The following ADGRL3 variants were observed in gnomAD, a reference collection of about 807,000 sequenced individuals.
ADGRL3 encodes adhesion G protein-coupled receptor L3.
ADGRL3 carries 62 observed loss-of-function variants against 153.5 expected under a neutral mutation model. The ratio of observed to expected loss-of-function variants is 0.40; its 90% CI spans 0.33 to 0.50. ADGRL3 has a LOEUF of 0.50. Among genes scored for constraint, ADGRL3 ranks in the 20% least tolerant of loss-of-function variants. The pLI, the probability that ADGRL3 is intolerant of heterozygous loss-of-function variation, is 0.47. For synonymous variants in ADGRL3, 710 were observed against 672.5 expected, an observed-to-expected ratio of 1.06 and a Z score of -0.86; for missense variants, 1,641 against 1,859.4, an observed-to-expected ratio of 0.88 and a Z score of 2.16.
chr4:61,645,128 ATTTT>A (rs138058631), intron 5 of ADGRL3, among the ~76,000 whole-genome samples: 14 of 151,584 alleles, frequency 9.2e-5, no homozygotes, highest in African/African-American at 3.2e-4. Flanking sequence ...TTTGTTTTCC[ATTTT>A]TTTTGGTAGA....
intron 9 of ADGRL3, among the ~76,000 whole-genome samples, chr4:61,816,449 C>T (rs2097689464): frequency 6.6e-6 from 1 of 152,098 alleles, no homozygotes; most frequent in Admixed American, 6.6e-5. Flanking sequence ...GCTGATGTCC[C>T]ATTAGCCAAA....
At chr4:61,593,789 C>G (rs898951109) in intron 5 of ADGRL3, among the ~76,000 whole-genome samples, 1 of 152,036 alleles carries the variant, frequency 6.6e-6, no homozygotes, top group Non-Finnish European at 1.5e-5. Context: ...GAGTAGTCTT[C>G]TTTGAGTTAT....
chr4:61,681,613 A>G (rs1026733501), intron 6 of ADGRL3, among the ~76,000 whole-genome samples: 1 of 152,226 alleles, frequency 6.6e-6, no homozygotes, highest in Non-Finnish European at 1.5e-5. Context: ...GGCAAGAAAA[A>G]TGAGCATTAT....
chr4:61,338,854 C>G (rs2095743951), intron 1 of ADGRL3, among the ~76,000 whole-genome samples: 1 of 151,992 alleles, frequency 6.6e-6, no homozygotes, highest in Admixed American at 6.6e-5. Context: ...AGTTTTTCAA[C>G]AAAATTTAAA....
chr4:61,291,603 T>C (rs1414541539), intron 1 of ADGRL3, among the ~76,000 whole-genome samples: 312 of 10,590 alleles, frequency 0.029, 6 homozygotes, highest in African/African-American at 0.055. Flanking sequence ...TATATATATA[T>C]ACACACACAT....
At chr4:61,909,802 TCTTTAAA>T in intron 12 of ADGRL3, 57 bp downstream of exon 12, 1 of 1,304,868 alleles carries the variant, frequency 7.7e-7, no homozygotes, top group Non-Finnish European at 1.0e-6. Flanking sequence ...TGTGTGTGTG[TCTTTAAA>T]GTTGTAATAA....
chr4:61,299,531 A>G (rs1305169882), intron 1 of ADGRL3, among the ~76,000 whole-genome samples: 6 of 152,228 alleles, frequency 3.9e-5, no homozygotes, highest in Non-Finnish European at 8.8e-5. Flanking sequence ...ACATCAATCT[A>G]TGCACAATGT....
chr4:61,692,268 G>C (rs1353070721), intron 6 of ADGRL3, among the ~76,000 whole-genome samples: 1 of 151,944 alleles, frequency 6.6e-6, no homozygotes, highest in Non-Finnish European at 1.5e-5. Flanking sequence ...AAAGAATTAG[G>C]TAGCTTGTCC....
At chr4:61,481,616 TG>T (rs1358313139) in intron 2 of ADGRL3, among the ~76,000 whole-genome samples, 3 of 152,132 alleles carry the variant, frequency 2.0e-5, no homozygotes, top group African/African-American at 7.2e-5. Flanking sequence ...AATGAGTGTT[TG>T]TTTTTTTTTG....
rs532523501 is a variant in ADGRL3, at chr4:61,926,790, T to C, written c.2113-8050T>C. ...GACTATTTGTCGTCTTTAGGAAGAA[T>C]TGTAAATACCTTAACATAGTTTGCA... On this transcript the variant is annotated intron_variant, in intron 13 of 26. Transcript: ENST00000683033. 5.9e-5 allele frequency among the ~76,000 whole-genome samples: 9 copies of C among 152,350 alleles called. 1 individual carries two copies. In the East Asian group the frequency reaches 1.7e-3, roughly 29 times the overall value.
chr4:61,892,412 G>A (rs561118305), intron 9 of ADGRL3, among the ~76,000 whole-genome samples: 18 of 152,154 alleles, frequency 1.2e-4, no homozygotes, highest in African/African-American at 4.3e-4. Flanking sequence ...TTTGAGTTTC[G>A]AAGAACCCTT....
intron 6 of ADGRL3, among the ~76,000 whole-genome samples, chr4:61,682,809 T>G (rs568296108): frequency 6.6e-6 from 1 of 152,250 alleles, no homozygotes; most frequent in Admixed American, 6.5e-5. Context: ...ATTACTTGCT[T>G]GTGAGACCTC....
chr4:61,203,010 G>C (rs1465169275), intron 1 of ADGRL3, among the ~76,000 whole-genome samples: 1 of 152,224 alleles, frequency 6.6e-6, no homozygotes, highest in Admixed American at 6.5e-5. Context: ...AAACCTTGCC[G>C]TGTCCCCTTC....
chr4:61,832,379 T>G (rs1283234157), intron 9 of ADGRL3, among the ~76,000 whole-genome samples: 1 of 152,126 alleles, frequency 6.6e-6, no homozygotes, highest in South Asian at 2.1e-4. Context: ...TGTGTCAGTC[T>G]TTTTTCCAGT....
chr4:61,738,750 T>C (rs578166188), intron 8 of ADGRL3, among the ~76,000 whole-genome samples: 2 of 152,348 alleles, frequency 1.3e-5, no homozygotes, highest in South Asian at 2.1e-4. Context: ...GTTTGCATTA[T>C]TTTTCAGAAG....
intron 19 of ADGRL3, among the ~76,000 whole-genome samples, chr4:61,986,138 AAAG>A (rs2150913640): frequency 6.6e-6 from 1 of 152,228 alleles, no homozygotes; most frequent in Non-Finnish European, 1.5e-5. Flanking sequence ...TCGAAACAAA[AAAG>A]AAACCCCTAG....
chr4:61,368,103 A>T (rs1022162458), intron 1 of ADGRL3, among the ~76,000 whole-genome samples: 1 of 151,330 alleles, frequency 6.6e-6, no homozygotes, highest in African/African-American at 2.4e-5. Context: ...TTTTCTGTAA[A>T]TTTGTTTGAG....
intron 25 of ADGRL3, among the ~76,000 whole-genome samples, chr4:62,057,867 C>T (rs1737920940): frequency 6.6e-6 from 1 of 152,046 alleles, no homozygotes; most frequent in African/African-American, 2.4e-5. Context: ...TTAGTAGAGA[C>T]AGGATTTCAC....
chr4:61,306,629 C>T (rs1417816860), intron 1 of ADGRL3, among the ~76,000 whole-genome samples: 1 of 152,152 alleles, frequency 6.6e-6, no homozygotes, highest in African/African-American at 2.4e-5. Flanking sequence ...GAAAAGCTTT[C>T]ATTTCTCCAA....
Sources: allele counts gnomAD v4.1 joint callset (sites outside exome capture counted in the v4.1 genomes callset), GRCh38; gene constraint gnomAD v4.1.1; transcripts MANE v1.5; gene names NCBI Gene and HGNC (gene_info 2026-07-23, HGNC 2026-07-21).